The following NIM1K variants were observed in gnomAD, a reference collection of about 807,000 sequenced individuals.
NIM1K encodes the protein serine/threonine-protein kinase NIM1.
In NIM1K, 35 loss-of-function variants were observed where a neutral mutation model predicts 37.1. The observed-to-expected ratio is 0.94, with a 90% confidence interval of 0.72 to 1.25. The LOEUF is 1.25. Ranked by LOEUF, NIM1K falls within the 50% of genes most tolerant of loss-of-function variation. The probability of loss-of-function intolerance (pLI) is 0.00; values close to 1 mark genes in which losing one functional copy is unlikely to be tolerated. For synonymous variants in NIM1K, 234 were observed against 206.6 expected, an observed-to-expected ratio of 1.13 and a Z score of -1.14; for missense variants, 564 against 548.0, an observed-to-expected ratio of 1.03 and a Z score of -0.29.
chr5:43,280,770 C>G lies in NIM1K; in HGVS notation c.*41C>G, dbSNP rs1374741675. Reference sequence around the variant, plus strand: ...TTGTAACTAACCAAGATGATTGTTGCTGCTTCTAAATTTTTTTCAAGGACA... The same window carrying G: ...TTGTAACTAACCAAGATGATTGTTGGTGCTTCTAAATTTTTTTCAAGGACA... On this transcript the variant is annotated 3_prime_UTR_variant, in exon 4 of 4. Transcript: ENST00000326035. The G allele has an allele frequency of 1.3e-6, 2 of 1,492,414 alleles. No individual in the cohort carries two copies. The highest frequency in any genetic ancestry group is 2.8e-5 in the African/African-American group (2 of 71,366). 92.4% of individuals were successfully genotyped at this position (1,492,414 alleles called of 1,614,324 possible).
chr5:43,239,045 T>G (rs2112253844), intron 1 of NIM1K, among the ~76,000 whole-genome samples: 1 of 151,854 alleles, frequency 6.6e-6, no homozygotes, highest in Non-Finnish European at 1.5e-5. Flanking sequence ...TTTGAGGTAC[T>G]TGGTATCTTA....
chr5:43,279,961 T>C lies in NIM1K; in HGVS notation c.562-19T>C, dbSNP rs1753410943. On this transcript the variant is annotated intron_variant, in intron 3 of 3. Coordinates refer to ENST00000326035, the MANE Select transcript of NIM1K (RefSeq NM_153361.4). Reference sequence around the variant, plus strand: ...CATTTTACTGTAAAAATGACTTTTCTCTATGTCTTCTTCCACAGCATGAAA... The same window carrying C: ...CATTTTACTGTAAAAATGACTTTTCCCTATGTCTTCTTCCACAGCATGAAA... 6.3e-7 allele frequency: 1 copy of C among 1,591,114 alleles called. No individual in the cohort carries two copies. The highest frequency in any genetic ancestry group is 1.1e-5 in the South Asian group (1 of 89,250).
At chr5:43,238,490 C>G (rs776187781) in intron 1 of NIM1K, among the ~76,000 whole-genome samples, 2 of 151,780 alleles carry the variant, frequency 1.3e-5, no homozygotes, top group Non-Finnish European at 2.9e-5. Context: ...ACATTTCCTT[C>G]AAGTTCCTTT....
chr5:43,224,184 G>A (rs1224358896), intron 1 of NIM1K, among the ~76,000 whole-genome samples: 7 of 151,886 alleles, frequency 4.6e-5, no homozygotes, highest in Non-Finnish European at 8.8e-5. Context: ...GATTACAGGC[G>A]TGAGCCACCG....
chr5:43,214,831 A>AC (rs1752276906), intron 1 of NIM1K, among the ~76,000 whole-genome samples: 3 of 147,048 alleles, frequency 2.0e-5, no homozygotes, highest in Non-Finnish European at 4.5e-5. Context: ...AAAAAAAAAA[A>AC]CAAAAAAGAA....
chr5:43,270,514 G>A (rs898334765), intron 2 of NIM1K, among the ~76,000 whole-genome samples: 1 of 152,178 alleles, frequency 6.6e-6, no homozygotes, highest in African/African-American at 2.4e-5. Flanking sequence ...AGGAAGCAAG[G>A]TTACCAGCTG....
chr5:43,279,763 C>T (rs577994623), intron 3 of NIM1K, among the ~76,000 whole-genome samples: 1 of 152,326 alleles, frequency 6.6e-6, no homozygotes, highest in South Asian at 2.1e-4. Flanking sequence ...CAGACTCCAA[C>T]CCTTACCACA....
At chr5:43,236,849 G>C (rs1752628819) in intron 1 of NIM1K, among the ~76,000 whole-genome samples, 1 of 152,232 alleles carries the variant, frequency 6.6e-6, no homozygotes, top group African/African-American at 2.4e-5. Context: ...TGGTGTCACA[G>C]AGCAGAACTG....
chr5:43,267,869 T>C (rs10070435), intron 2 of NIM1K, among the ~76,000 whole-genome samples: 1 of 152,214 alleles, frequency 6.6e-6, no homozygotes, highest in Admixed American at 6.5e-5. Context: ...GTAGCCAATC[T>C]TATGGCCTAT....
At position 43,280,811 on chromosome 5, in the gene NIM1K, T is replaced by A. The variant is rs1021852112; in HGVS notation, c.*82T>A. The A allele has an allele frequency of 2.3e-6, 3 of 1,285,544 alleles. No homozygotes were observed. In the African/African-American group the frequency reaches 4.4e-5, roughly 19 times the overall value. 79.6% of individuals were successfully genotyped at this position (1,285,544 alleles called of 1,614,324 possible). Reference sequence around the variant, plus strand: ...TTCAAGGACAACTTGAGTGGAGACATTTTTGTAATTTTTAAATAAACTTAA... The same window carrying A: ...TTCAAGGACAACTTGAGTGGAGACAATTTTGTAATTTTTAAATAAACTTAA... On this transcript the variant is annotated 3_prime_UTR_variant, in exon 4 of 4. Transcript: ENST00000326035.
chr5:43,198,199 CTTTCTTTCTCT>C (rs1177964364), intron 1 of NIM1K, among the ~76,000 whole-genome samples: 3 of 51,316 alleles, frequency 5.8e-5, no homozygotes, highest in African/African-American at 2.3e-4. Context: ...TTCTTTCTTT[CTTTCTTTCTCT>C]TTCTTTCTTT....
At chr5:43,255,918 G>A (rs1752937923) in intron 2 of NIM1K, among the ~76,000 whole-genome samples, 1 of 151,466 alleles carries the variant, frequency 6.6e-6, no homozygotes, top group South Asian at 2.1e-4. Flanking sequence ...CAAGCAGAAG[G>A]CGTAGCAGGC....
At chr5:43,214,102 G>A (rs957569601) in intron 1 of NIM1K, among the ~76,000 whole-genome samples, 2 of 151,540 alleles carry the variant, frequency 1.3e-5, no homozygotes, top group Non-Finnish European at 2.9e-5. Context: ...ACCACACCCA[G>A]CCAAAAATAT....
At chr5:43,265,316 C>A (rs1753125941) in intron 2 of NIM1K, among the ~76,000 whole-genome samples, 1 of 152,168 alleles carries the variant, frequency 6.6e-6, no homozygotes, top group South Asian at 2.1e-4. Flanking sequence ...TTGTTTATTT[C>A]TTTTTACTCT....
intron 1 of NIM1K, among the ~76,000 whole-genome samples, chr5:43,206,499 CAAA>C (rs11286972): frequency 6.1e-4 from 51 of 83,412 alleles, no homozygotes; most frequent in South Asian, 8.8e-4. Flanking sequence ...GACCCTGCCT[CAAA>C]AAAAAAAAAA....
chr5:43,221,582 C>G (rs886494109), intron 1 of NIM1K, among the ~76,000 whole-genome samples: 1 of 152,076 alleles, frequency 6.6e-6, no homozygotes, highest in African/African-American at 2.4e-5. Flanking sequence ...AGAACAGGTT[C>G]AGAGAGGCTC....
intron 1 of NIM1K, among the ~76,000 whole-genome samples, chr5:43,234,403 T>C (rs1752587933): frequency 6.6e-6 from 1 of 152,200 alleles, no homozygotes; most frequent in African/African-American, 2.4e-5. Context: ...ATTTTAGATA[T>C]ACACAAAAAT....
chr5:43,256,249 T>C (rs1752944127), intron 2 of NIM1K, among the ~76,000 whole-genome samples: 1 of 149,696 alleles, frequency 6.7e-6, no homozygotes, highest in Admixed American at 6.9e-5. Flanking sequence ...AGGAGCCTGT[T>C]GTATTAATCC....
rs1286021989 is a variant in NIM1K, at chr5:43,214,825, AAAAAAAC to A, written c.-695+22421_-695+22427del. Among the ~76,000 whole-genome samples the A allele has an allele frequency of 2.3e-3, 343 of 148,634 alleles. 2 individuals are homozygous for A. In the East Asian group the frequency reaches 0.036, roughly 16 times the overall value. On this transcript the variant is annotated intron_variant, in intron 1 of 3. Transcript: ENST00000326035. ...CAAGACTCCGTCTCAAAAAAAAAAA[AAAAAAAC>A]AAAAAAGAAAAAAGAAATGTGCCCA...
Sources: allele counts gnomAD v4.1 joint callset (sites outside exome capture counted in the v4.1 genomes callset), GRCh38; gene constraint gnomAD v4.1.1; transcripts MANE v1.5; gene names NCBI Gene and HGNC (gene_info 2026-07-23, HGNC 2026-07-21).